Variants in CCDC85A observed in about 807,000 individuals in gnomAD.
CCDC85A encodes coiled-coil domain containing 85A, also known as coiled-coil domain-containing protein 85A.
A neutral mutation model predicts 50.2 loss-of-function variants in CCDC85A; 38 were observed. The observed-to-expected ratio is 0.76, with a 90% CI of 0.58 to 0.99. The LOEUF is 0.99. Ranked by LOEUF, CCDC85A falls within the 50% of genes least tolerant of loss-of-function variation. The pLI is 0.00. For synonymous variants in CCDC85A, 366 were observed against 301.4 expected, an observed-to-expected ratio of 1.21 and a Z score of -2.22; for missense variants, 820 against 742.0, an observed-to-expected ratio of 1.11 and a Z score of -1.22.
intron 2 of CCDC85A, among the ~76,000 whole-genome samples, chr2:56,288,792 A>G (rs1176558454): frequency 2.0e-5 from 3 of 152,198 alleles, no homozygotes; most frequent in Non-Finnish European, 4.4e-5. Context: ...GAGCACCAAA[A>G]TTAACACCAT....
At chr2:56,367,577 A>G (rs775964508) in intron 3 of CCDC85A, among the ~76,000 whole-genome samples, 3 of 152,128 alleles carry the variant, frequency 2.0e-5, no homozygotes, top group Admixed American at 2.0e-4. Context: ...TGTCCAGTGC[A>G]TTTTAAGATA....
intron 1 of CCDC85A, among the ~76,000 whole-genome samples, chr2:56,190,117 A>G (rs1381544207): frequency 6.6e-6 from 1 of 152,200 alleles, no homozygotes. Context: ...TTTGTTTTTT[A>G]GTCTATGTTA....
intron 5 of CCDC85A, among the ~76,000 whole-genome samples, chr2:56,383,029 T>C (rs938655617): frequency 6.6e-6 from 1 of 151,990 alleles, no homozygotes; most frequent in African/African-American, 2.4e-5. Context: ...CATTGCTATA[T>C]ATTAATAATT....
chr2:56,241,057 G>A (rs1477706528), intron 2 of CCDC85A, among the ~76,000 whole-genome samples: 1 of 152,022 alleles, frequency 6.6e-6, no homozygotes, highest in African/African-American at 2.4e-5. Flanking sequence ...TGGATCATAG[G>A]TGGTACCTCA....
At chr2:56,266,712 G>A (rs1670465355) in intron 2 of CCDC85A, among the ~76,000 whole-genome samples, 1 of 151,622 alleles carries the variant, frequency 6.6e-6, no homozygotes, top group Admixed American at 6.6e-5. Flanking sequence ...TACATGGGAT[G>A]TCAGCTTCCG....
chr2:56,293,873 C>T (rs1443837659), intron 2 of CCDC85A, among the ~76,000 whole-genome samples: 2 of 152,144 alleles, frequency 1.3e-5, no homozygotes, highest in Non-Finnish European at 2.9e-5. Flanking sequence ...TAAATTAGTT[C>T]AACCATTGTG....
chr2:56,340,092 T>C (rs1209880014), intron 2 of CCDC85A, among the ~76,000 whole-genome samples: 1 of 152,190 alleles, frequency 6.6e-6, no homozygotes, highest in Non-Finnish European at 1.5e-5. Context: ...ATGTCAGTGA[T>C]GGGGGCTTTC....
chr2:56,303,441 T>A lies in CCDC85A; in HGVS notation c.1241-39438T>A, dbSNP rs144211920. On this transcript the variant is annotated intron_variant, in intron 2 of 5. Coordinates refer to ENST00000407595, the MANE Select transcript of CCDC85A (RefSeq NM_001080433.2). ...GCACAGAGTAAGTGCTTAATCAGTA[T>A]TTATTGCATGAAGAAATAGAGGAAG... Among the ~76,000 whole-genome samples the A allele has an allele frequency of 1.1e-3, 167 of 152,220 alleles. 4 individuals carry two copies. In the East Asian group the frequency reaches 0.027, roughly 25 times the overall value.
chr2:56,340,289 A>G (rs550018277), intron 2 of CCDC85A, among the ~76,000 whole-genome samples: 118 of 152,326 alleles, frequency 7.7e-4, no homozygotes, highest in African/African-American at 2.5e-3. Context: ...TTGTGTTTCC[A>G]TGATGAAATT....
At chr2:56,286,445 A>G (rs1016308067) in intron 2 of CCDC85A, among the ~76,000 whole-genome samples, 1 of 152,098 alleles carries the variant, frequency 6.6e-6, no homozygotes, top group Non-Finnish European at 1.5e-5. Flanking sequence ...TTCAAATTGG[A>G]TAATTTCTAT....
intron 3 of CCDC85A, among the ~76,000 whole-genome samples, chr2:56,369,317 T>C (rs1675960534): frequency 6.6e-6 from 1 of 152,086 alleles, no homozygotes; most frequent in Non-Finnish European, 1.5e-5. Context: ...TTTAAATAAA[T>C]AGATGAGAAC....
intron 1 of CCDC85A, among the ~76,000 whole-genome samples, chr2:56,188,097 C>T (rs1676130693): frequency 6.6e-6 from 1 of 152,156 alleles, no homozygotes; most frequent in Non-Finnish European, 1.5e-5. Flanking sequence ...TGGACTTAAC[C>T]TTTTAAAAGT....
intron 2 of CCDC85A, among the ~76,000 whole-genome samples, chr2:56,218,229 A>G (rs1196003918): frequency 6.6e-6 from 1 of 151,972 alleles, no homozygotes; most frequent in Non-Finnish European, 1.5e-5. Context: ...GAGAAAGAAG[A>G]GTTTAAAAGA....
At chr2:56,375,679 T>C (rs377041116) in intron 4 of CCDC85A, 137 bp from the exon 5 acceptor site, 6 of 802,898 alleles carry the variant, frequency 7.5e-6, no homozygotes, top group Non-Finnish European at 1.2e-5. Flanking sequence ...AACAGATTGA[T>C]AGCATTGTAG....
intron 2 of CCDC85A, among the ~76,000 whole-genome samples, chr2:56,306,870 A>G (rs1672470191): frequency 6.6e-6 from 1 of 151,942 alleles, no homozygotes. Flanking sequence ...TGATGAGGTT[A>G]TTGTCTGATA....
chr2:56,385,850 A>G lies in CCDC85A; in HGVS notation c.*1495A>G, dbSNP rs902720148. 6 of 151,742 alleles carry G rather than the reference A, an allele frequency of 4.0e-5. No individual in the cohort carries two copies. Among genetic ancestry groups the G allele is most frequent in the African/African-American group, 1.4e-4 (6 of 41,386 alleles). The allele number at this position is 151,742 out of a possible 1,614,324, so 9.4% of individuals were successfully genotyped here. On this transcript the variant is annotated 3_prime_UTR_variant, in exon 6 of 6. Transcript: ENST00000407595. Reference sequence around the variant, plus strand: ...CTCTAATTATCATAATTGGGTTACAATTTAAGCTCCCCTTTTAAATGTTAT... The same window carrying G: ...CTCTAATTATCATAATTGGGTTACAGTTTAAGCTCCCCTTTTAAATGTTAT...
chr2:56,378,555 T>C (rs79042395), intron 5 of CCDC85A, among the ~76,000 whole-genome samples: 1,828 of 152,296 alleles, frequency 0.012, 34 homozygotes, highest in African/African-American at 0.042. Flanking sequence ...TCTCTAAATA[T>C]GTAAAGAAGG....
chr2:56,276,201 A>T (rs1670933156), intron 2 of CCDC85A, among the ~76,000 whole-genome samples: 3 of 152,160 alleles, frequency 2.0e-5, no homozygotes, highest in Admixed American at 2.0e-4. Flanking sequence ...ATATAAAATT[A>T]TTCCCAGGAA....
chr2:56,320,531 G>A (rs1382098359), intron 2 of CCDC85A, among the ~76,000 whole-genome samples: 16 of 151,968 alleles, frequency 1.1e-4, no homozygotes. Context: ...AATAAACTAG[G>A]AAATCTAGAA....
Sources: gnomAD v4.1 joint callset for allele counts (sites outside exome capture counted in the v4.1 genomes callset) on GRCh38, gnomAD v4.1.1 for gene constraint, MANE v1.5 for transcripts, NCBI Gene and HGNC (gene_info 2026-07-23, HGNC 2026-07-21) for gene names.